AHNAK2: variants seen among roughly 807,000 people sequenced by gnomAD.
AHNAK2 encodes the protein protein AHNAK2.
AHNAK2 carries 18 observed loss-of-function variants against 30.7 expected under a neutral mutation model. The ratio of observed to expected loss-of-function variants is 0.59; its 90% CI spans 0.41 to 0.87. The LOEUF (loss-of-function observed/expected upper bound fraction) is 0.87. Among genes scored for constraint, AHNAK2 ranks in the 40% least tolerant of loss-of-function variants. The probability of loss-of-function intolerance (pLI) is 0.00; values close to 1 mark genes in which losing one functional copy is unlikely to be tolerated. For synonymous variants in AHNAK2, 3,590 were observed against 3,073.8 expected, an observed-to-expected ratio of 1.17 and a Z score of -5.56; for missense variants, 8,604 against 7,373.0, an observed-to-expected ratio of 1.17 and a Z score of -6.11.
At chr14:104,977,798 C>A (rs1158518141) in intron 1 of AHNAK2, among the ~76,000 whole-genome samples, 1 of 152,194 alleles carries the variant, frequency 6.6e-6, no homozygotes, top group Non-Finnish European at 1.5e-5. Context: ...TGCGGTAGCA[C>A]CTCCCAGGAG....
rs1381271022 is a variant in AHNAK2, at chr14:104,947,705, C to G, written c.7746G>C (p.Lys2582Asn). Residue 2582 changes from lysine to asparagine, a missense_variant, in exon 7 of 7, where the codon AAG becomes AAC. Lys to Asn is a moderately conservative substitution (Grantham distance 94). Transcript: ENST00000333244. ...PSFKMPEMDL[K>N]GPQLDVKGPK... ...GGCCCTTGACATCTAGCTGGGGGCCCTTGAGGTCCATTTCAGGCATCTTGA... is the reference window on the plus strand; with the variant it reads ...GGCCCTTGACATCTAGCTGGGGGCCGTTGAGGTCCATTTCAGGCATCTTGA... The G allele has an allele frequency of 1.2e-6, 2 of 1,612,708 alleles. No individual in the cohort carries two copies. The highest frequency in any genetic ancestry group is 1.7e-5 in the Admixed American group (1 of 59,934).
At position 104,943,385 on chromosome 14, in the gene AHNAK2, G is replaced by T. The variant is rs372712364; in HGVS notation, c.12066C>A (p.Ser4022=). The T allele has an allele frequency of 1.2e-6, 2 of 1,612,604 alleles. No homozygotes were observed. Among genetic ancestry groups the T allele is most frequent in the African/African-American group, 2.7e-5 (2 of 74,546 alleles). The change falls in exon 7 of 7, where the codon TCC becomes TCA. Residue 4022 remains serine (S), a synonymous_variant. Transcript: ENST00000333244. The stretch of plus-strand genomic sequence containing the variant: ...GGCCAGCCTGGACCTCCAGGTCAGC[G>T]GAAGGGGGCTGAACGCTGAGGTCAG... ...KATDLSVQPP[S]ADLEVQAGQV...
chr14:104,951,630 T>G lies in AHNAK2; in HGVS notation c.3821A>C (p.Asp1274Ala). 8.0e-7 allele frequency: 1 copy of G among 1,246,600 alleles called. No individual in the cohort carries two copies. The highest frequency in any genetic ancestry group is 1.1e-6 in the Non-Finnish European group (1 of 880,684). The allele number at this position is 1,246,600 out of a possible 1,614,324, so 77.2% of individuals were successfully genotyped here. A position where few individuals can be genotyped will look rare whatever the true frequency, so the allele number is the denominator to read the frequency against. Reference sequence around the variant, plus strand: ...CACCTCTGCCTTATGACCTTTCAGGTCCAGCTTGGGGCCCCTGACTTCCAC... The same window carrying G: ...CACCTCTGCCTTATGACCTTTCAGGGCCAGCTTGGGGCCCCTGACTTCCAC... ...PQVEVRGPKLDLKGHKAEVTA... is the reference protein window; with the variant it reads ...PQVEVRGPKLALKGHKAEVTA... The change falls in exon 7 of 7, where the codon GAC (aspartate) becomes GCC (alanine). Residue 1274 changes from aspartate (D) to alanine (A), a missense_variant. Physicochemically the swap from Asp to Ala is moderately radical, Grantham distance 126. Transcript: ENST00000333244.
chr14:104,953,723 T>A lies in AHNAK2; in HGVS notation c.1728A>T (p.Thr576=), dbSNP rs1309227374. 1 of 1,614,018 alleles carries A rather than the reference T, an allele frequency of 6.2e-7. No homozygotes were observed. ...TEEQDKGRED[T]EGQIRMPKFK... ...ACTTGGGCATTCTTATCTGTCCTTC[T>A]GTGTCTTCCCTGCCCTTGTCCTGTT... Residue 576 remains threonine, a synonymous_variant, in exon 7 of 7, where the codon ACA becomes ACT. Transcript: ENST00000333244.
chr14:104,953,619 T>C lies in AHNAK2; in HGVS notation c.1832A>G (p.Gln611Arg), dbSNP rs1898872641. The change falls in exon 7 of 7, where the codon CAG (glutamine) becomes CGG (arginine). Residue 611 changes from glutamine to arginine, a missense_variant. Physicochemically the swap from Gln to Arg is conservative, Grantham distance 43. Coordinates refer to ENST00000333244, the MANE Select transcript of AHNAK2 (RefSeq NM_138420.4). Reference sequence around the variant, plus strand: ...TGCTGTGGCCTCTCCTTCCCTTCCCTGCTCTGTGTCTTCTGTGGCTTTTTC... The same window carrying C: ...TGCTGTGGCCTCTCCTTCCCTTCCCCGCTCTGTGTCTTCTGTGGCTTTTTC... ...GREKATEDTE[Q>R]GREGEATATA... 2 of 1,613,884 alleles carry C rather than the reference T, an allele frequency of 1.2e-6. No individual in the cohort carries two copies. The highest frequency in any genetic ancestry group is 2.7e-5 in the African/African-American group (2 of 74,932).
Position 104,971,406 on chromosome 14 carries a change from C to T in AHNAK2, c.55+6777G>A, listed in dbSNP as rs544124965. The stretch of plus-strand genomic sequence containing the variant: ...CTGGGGCTGCAGGCACACACCAGCA[C>T]GCCTGGCTAATTTTTAAATTTTTTG... On this transcript the variant is annotated intron_variant, in intron 1 of 6. Transcript: ENST00000333244. Among the ~76,000 whole-genome samples the T allele has an allele frequency of 1.6e-3, 242 of 152,254 alleles. 1 individual carries two copies. The highest frequency in any genetic ancestry group is 3.7e-3 in the Admixed American group (57 of 15,298).
intron 1 of AHNAK2, among the ~76,000 whole-genome samples, chr14:104,961,583 T>A (rs553145008): frequency 6.6e-6 from 1 of 151,622 alleles, no homozygotes; most frequent in African/African-American, 2.4e-5. Context: ...TTACTTGAAA[T>A]TATACTGTAA....
Position 104,944,368 on chromosome 14 carries a change from G to T in AHNAK2, c.11083C>A (p.Leu3695Met). The T allele has an allele frequency of 1.2e-6, 2 of 1,612,682 alleles. No homozygotes were observed. The highest frequency in any genetic ancestry group is 2.2e-5 in the South Asian group (2 of 90,996). ...TCCATCTGGCCAGCCTGGACCTTCA[G>T]GTCGGCAGAAGGGGGCTGAATGCTG... ...DLSIQPPSAD[L>M]KVQAGQMDVK... The change falls in exon 7 of 7, where the codon CTG (leucine) becomes ATG (methionine). Residue 3695 changes from leucine (L) to methionine (M), a missense_variant. Transcript: ENST00000333244.
rs759012276 is a variant in AHNAK2, at chr14:104,951,735, C to T, written c.3716G>A (p.Gly1239Glu). The T allele has an allele frequency of 4.0e-6, 5 of 1,247,232 alleles. 1 individual carries two copies. Among genetic ancestry groups the T allele is most frequent in the African/African-American group, 1.4e-5 (1 of 70,882 alleles). The allele number at this position is 1,247,232 out of a possible 1,614,324, so 77.3% of individuals were successfully genotyped here. The change falls in exon 7 of 7, where the codon GGA (glycine) becomes GAA (glutamate). Residue 1239 changes from glycine (G) to glutamate (E), a missense_variant. Coordinates refer to ENST00000333244, the MANE Select transcript of AHNAK2 (RefSeq NM_138420.4). The part of the protein sequence containing the change: ...VKLLEGHVPE[G>E]AGFKGHLPKV... ...GGGCAGGTGCCCTTTGAAGCCGGCT[C>T]CCTCAGGCACGTGGCCCTCCAGGAG...
chr14:104,953,452 CCTTTT>C lies in AHNAK2; in HGVS notation c.1994_1998del (p.Glu665GlyfsTer56). The C allele has an allele frequency of 6.2e-7, 1 of 1,614,042 alleles. No individual in the cohort carries two copies. The highest frequency in any genetic ancestry group is 8.5e-7 in the Non-Finnish European group (1 of 1,179,890). On this transcript the variant is annotated frameshift_variant, in exon 7 of 7. Transcript: ENST00000333244. LOFTEE classifies it low-confidence loss of function (END_TRUNC). ...AACTTGCTGTCTTTGGTGGCCACTT[CCTTTT>C]CTGTCAGAATTTGTTCCTTTTTTAA...
chr14:104,962,031 C>T (rs1182038260), intron 1 of AHNAK2, among the ~76,000 whole-genome samples: 1 of 152,148 alleles, frequency 6.6e-6, no homozygotes, highest in African/African-American at 2.4e-5. Flanking sequence ...GCAGTAAAAA[C>T]TGGCAAAACT....
rs757617015 is a variant in AHNAK2, at chr14:104,942,733, C to T, written c.12718G>A (p.Gly4240Ser). 1.2e-6 allele frequency: 2 copies of T among 1,613,068 alleles called. No homozygotes were observed. Among genetic ancestry groups the T allele is most frequent in the South Asian group, 2.2e-5 (2 of 91,048 alleles). ...GGGCCTTTCAGGTCCAGCTTGGGGC[C>T]CTTGACATCCACCTGGGGGCCCTTG... ...ALKGPQVDVK[G>S]PKLDLKGPKA... Residue 4240 changes from glycine (G) to serine (S), a missense_variant, in exon 7 of 7, where the codon GGC (glycine) becomes AGC (serine). By Grantham distance (56) the Gly-to-Ser change is moderately conservative. Transcript: ENST00000333244.
Position 104,943,650 on chromosome 14 carries a change from A to G in AHNAK2, c.11801T>C (p.Val3934Ala). The G allele has an allele frequency of 7.4e-6, 12 of 1,613,118 alleles. No individual in the cohort carries two copies. The highest frequency in any genetic ancestry group is 1.0e-5 in the Non-Finnish European group (12 of 1,179,650). ...APDVEVSLPSVEVDVEAPGAK... is the reference protein window; with the variant it reads ...APDVEVSLPSAEVDVEAPGAK... ...TCCTGGGGCCTCGACGTCCACCTCCACGCTGGGCAGAGAAACCTCCACATC... is the reference window on the plus strand; with the variant it reads ...TCCTGGGGCCTCGACGTCCACCTCCGCGCTGGGCAGAGAAACCTCCACATC... The change falls in exon 7 of 7, where the codon GTG becomes GCG. Residue 3934 changes from valine (V) to alanine (A), a missense_variant. By Grantham distance (64) the Val-to-Ala change is moderately conservative (BLOSUM62 0). Transcript: ENST00000333244.
Position 104,951,815 on chromosome 14 carries a change from G to T in AHNAK2, c.3636C>A (p.Ser1212Arg). The T allele has an allele frequency of 2.7e-6, 4 of 1,489,714 alleles. 1 individual carries two copies. The highest frequency in any genetic ancestry group is 1.4e-5 in the African/African-American group (1 of 72,416). 92.3% of individuals were successfully genotyped at this position (1,489,714 alleles called of 1,614,324 possible). ...CCAGGTCAGCGGAAGGGGGCTGAAT[G>T]CTGAGGTCAGTGGTCTTGAGGTCCC... Reference protein sequence around the residue: ...MQGDLKTTDLSIQPPSADLEV... With the variant: ...MQGDLKTTDLRIQPPSADLEV... The change falls in exon 7 of 7, where the codon AGC (serine) becomes AGA (arginine). Residue 1212 changes from serine to arginine, a missense_variant. Coordinates refer to ENST00000333244, the MANE Select transcript of AHNAK2 (RefSeq NM_138420.4).
Position 104,947,023 on chromosome 14 carries a change from C to A in AHNAK2, c.8428G>T (p.Asp2810Tyr). ...SLADKGMTAK[D>Y]SKFKMPKFKM... ...AACTTGGGCATTTTGAACTTGCTGT[C>A]TTTGGCTGTCATGCCCTTGTCGGCC... The change falls in exon 7 of 7, where the codon GAC becomes TAC. Residue 2810 changes from aspartate to tyrosine, a missense_variant. By Grantham distance (160) the Asp-to-Tyr change is radical. Coordinates refer to ENST00000333244, the MANE Select transcript of AHNAK2 (RefSeq NM_138420.4). 2 of 1,612,524 alleles carry A rather than the reference C, an allele frequency of 1.2e-6. No homozygotes were observed. Among genetic ancestry groups the A allele is most frequent in the South Asian group, 1.1e-5 (1 of 90,998 alleles).
Position 104,946,736 on chromosome 14 carries a change from C to G in AHNAK2, c.8715G>C (p.Lys2905Asn). The change falls in exon 7 of 7, where the codon AAG becomes AAC. Residue 2905 changes from lysine (K) to asparagine (N), a missense_variant. Transcript: ENST00000333244. Reference sequence around the variant, plus strand: ...GGCCCTTGAGATCCACTTTGGGCATCTTGAAACTGGGCATCTGCACCTTGG... The same window carrying G: ...GGCCCTTGAGATCCACTTTGGGCATGTTGAAACTGGGCATCTGCACCTTGG... ...HLPKVQMPSF[K>N]MPKVDLKGPQ... The G allele has an allele frequency of 6.2e-7, 1 of 1,612,734 alleles. No homozygotes were observed. The highest frequency in any genetic ancestry group is 1.3e-5 in the African/African-American group (1 of 74,640).
rs140617959 is a variant in AHNAK2 at position 104,953,402 on chromosome 14, T to C, written c.2049A>G (p.Pro683=). 1,849 of 1,613,470 alleles carry C rather than the reference T, an allele frequency of 1.1e-3. 30 individuals carry two copies. In the African/African-American group the frequency reaches 0.022, roughly 19 times the overall value. Residue 683 remains proline, a synonymous_variant, in exon 7 of 7, where the codon CCA becomes CCG. Coordinates refer to ENST00000333244, the MANE Select transcript of AHNAK2 (RefSeq NM_138420.4). ...SKFKMPKFKM[P]LFGASAPGKS... is the part of the protein sequence containing the mutation. ...TGCCTGGGGCTGACGCCCCGAACAA[T>C]GGCATCTTGAACTTGGGCATTTTGA...
At chr14:104,956,750 A>G (rs928271835) in intron 3 of AHNAK2, 61 bp from the exon 4 acceptor site, 148 of 1,521,342 alleles carry the variant, frequency 9.7e-5, no homozygotes, top group Non-Finnish European at 1.3e-4. Context: ...GGAGGGGCAC[A>G]GGTAGGCTGG....
At position 104,966,502 on chromosome 14, in the gene AHNAK2, C is replaced by A. The variant is rs187165697; in HGVS notation, c.56-8830G>T. Among the ~76,000 whole-genome samples the A allele has an allele frequency of 1.3e-3, 203 of 152,294 alleles. 1 individual carries two copies. Among genetic ancestry groups the A allele is most frequent in the Admixed American group, 0.011 (171 of 15,298 alleles). On this transcript the variant is annotated intron_variant, in intron 1 of 6. Coordinates refer to ENST00000333244, the MANE Select transcript of AHNAK2 (RefSeq NM_138420.4). The surrounding 1 kb of genome is among the most constrained non-coding windows in gnomAD (Gnocchi z 4.3). Reference sequence around the variant, plus strand: ...CACTCACCTTTGCATTCAGACACTGCCCCACCACCTGACAGGGCCCCTGCT... The same window carrying A: ...CACTCACCTTTGCATTCAGACACTGACCCACCACCTGACAGGGCCCCTGCT...
Sources: allele counts gnomAD v4.1 joint callset (sites outside exome capture counted in the v4.1 genomes callset), GRCh38; gene constraint gnomAD v4.1.1; non-coding constraint Gnocchi (gnomAD v3.1); transcripts MANE v1.5; gene names NCBI Gene and HGNC (gene_info 2026-07-23, HGNC 2026-07-21).